Variants in WDR12 observed in about 807,000 individuals in gnomAD.
The protein encoded by WDR12 is WD repeat domain 12, also known as ribosome biogenesis protein WDR12.
Under a neutral mutation model 64.3 loss-of-function variants are expected in WDR12, and 42 were observed. The observed-to-expected ratio is 0.65, with a 90% CI of 0.51 to 0.84. WDR12 has a LOEUF of 0.84. WDR12 is among the 40% of genes least tolerant of loss of function. The probability of loss-of-function intolerance (pLI) is 0.00; values close to 1 mark genes in which losing one functional copy is unlikely to be tolerated. For missense variants in WDR12, 469 were observed against 494.6 expected (o/e 0.95, Z 0.49); for synonymous variants, 158 against 173.3 (o/e 0.91, Z 0.70).
intron 4 of WDR12, among the ~76,000 whole-genome samples, chr2:202,897,906 A>ATATATATATATATAT (rs1201879973): frequency 2.1e-5 from 1 of 47,384 alleles, no homozygotes; most frequent in African/African-American, 6.0e-5. Context: ...AAAAAAAAAA[A>ATATATATATATATAT]AAATATATAT....
chr2:202,892,684 T>C lies in WDR12; in HGVS notation c.674A>G (p.Asp225Gly). Reference protein sequence around the residue: ...IWSTVPTDEEDEMEESTNRPR... With the variant: ...IWSTVPTDEEGEMEESTNRPR... ...TCGATTTGTGGACTCCTCCATTTCATCTTCTTCATCTGTAGGGACTGTGTC... is the reference window on the plus strand; with the variant it reads ...TCGATTTGTGGACTCCTCCATTTCACCTTCTTCATCTGTAGGGACTGTGTC... Residue 225 changes from aspartate to glycine, a missense_variant, in exon 8 of 13, where the codon GAT becomes GGT. Transcript: ENST00000261015. The C allele has an allele frequency of 1.9e-6, 3 of 1,612,880 alleles. No individual in the cohort carries two copies. The highest frequency in any genetic ancestry group is 1.7e-6 in the Non-Finnish European group (2 of 1,179,130).
At chr2:202,883,812 T>C in intron 10 of WDR12, 71 bp from the exon 11 acceptor site, 1 of 1,413,194 alleles carries the variant, frequency 7.1e-7, no homozygotes, top group South Asian at 1.3e-5. Flanking sequence ...CCAAAAAATA[T>C]TTGTAGAAAT....
At chr2:202,900,930 A>G (rs1423662883) in intron 3 of WDR12, 95 bp downstream of exon 3, 4 of 959,928 alleles carry the variant, frequency 4.2e-6, no homozygotes, top group Non-Finnish European at 6.2e-6. Context: ...AATCTTTGCT[A>G]CTAAAGATAG....
chr2:202,903,503 G>GGAAGGAAC (rs59190268), intron 2 of WDR12, among the ~76,000 whole-genome samples: 2 of 116,052 alleles, frequency 1.7e-5, no homozygotes, highest in African/African-American at 6.0e-5. Flanking sequence ...AAGGAAGGAA[G>GGAAGGAAC]TGAGGGAGGG....
chr2:202,903,488 GAAGGAAGGAAGGAAGT>G (rs1443519811), intron 2 of WDR12, among the ~76,000 whole-genome samples: 25 of 96,672 alleles, frequency 2.6e-4, no homozygotes, highest in Admixed American at 1.0e-3. Context: ...AGGAAGGAAG[GAAGGAAGGAAGGAAGT>G]GAGGGAGGGA....
intron 2 of WDR12, among the ~76,000 whole-genome samples, chr2:202,903,871 C>T (rs1222612334): frequency 6.6e-6 from 1 of 152,056 alleles, no homozygotes; most frequent in African/African-American, 2.4e-5. Context: ...GGTGCAGTGG[C>T]TCATGCCTGT....
chr2:202,887,757 G>A (rs998873925), intron 8 of WDR12, among the ~76,000 whole-genome samples: 3 of 151,006 alleles, frequency 2.0e-5, no homozygotes, highest in African/African-American at 7.3e-5. Flanking sequence ...GCGCGGTGGC[G>A]GGCGCCTGTA....
intron 8 of WDR12, among the ~76,000 whole-genome samples, chr2:202,889,690 G>A (rs1213853495): frequency 6.6e-6 from 1 of 151,816 alleles, no homozygotes; most frequent in Non-Finnish European, 1.5e-5. Context: ...CGAGGTGGGA[G>A]GACTGCTTGA....
chr2:202,888,423 C>T (rs750809653), intron 8 of WDR12, among the ~76,000 whole-genome samples: 2 of 151,998 alleles, frequency 1.3e-5, no homozygotes, highest in African/African-American at 2.4e-5. Flanking sequence ...AGTTATACAC[C>T]AAAAAGTGAA....
rs185951065 is a variant in WDR12 at position 202,903,361 on chromosome 2, T to C, written c.137-2242A>G. 5.0e-3 allele frequency among the ~76,000 whole-genome samples: 758 copies of C among 151,702 alleles called. 7 individuals are homozygous for C. The highest frequency in any genetic ancestry group is 0.017 in the African/African-American group (720 of 41,470). On this transcript the variant is annotated intron_variant, in intron 2 of 12. Coordinates refer to ENST00000261015, the MANE Select transcript of WDR12 (RefSeq NM_018256.4). ...TGGGGAAAAAACTGAAAGCCTTTCC[T>C]CTAACATCTGGAACATGATAAGGAT...
intron 3 of WDR12, 112 bp from the exon 4 acceptor site, chr2:202,899,749 C>G: frequency 1.1e-6 from 1 of 886,894 alleles, no homozygotes; most frequent in East Asian, 2.7e-5. Flanking sequence ...TATTAGTCCC[C>G]TTTATAACTC....
At chr2:202,905,392 C>T (rs2105912027) in intron 2 of WDR12, among the ~76,000 whole-genome samples, 1 of 152,378 alleles carries the variant, frequency 6.6e-6, no homozygotes. Context: ...ATCCACCCAC[C>T]TTGGCCTCCC....
intron 10 of WDR12, 80 bp from the exon 11 acceptor site, chr2:202,883,821 A>AAT: frequency 9.5e-7 from 1 of 1,050,958 alleles, no homozygotes; most frequent in Non-Finnish European, 1.3e-6. Context: ...ATTTGTAGAA[A>AAT]TTTTTTTTTT....
In WDR12 at chr2:202,875,989, T is replaced by C. The variant is rs1687852125; in HGVS notation, c.*4871A>G. ...TGGACACTGTAAGAAAATAATTTAC[T>C]TCCTCAAATCTGCAAATCATTGGAA... On this transcript the variant is annotated 3_prime_UTR_variant, in exon 13 of 13. Transcript: ENST00000261015. 6.6e-6 allele frequency: 1 copy of C among 152,230 alleles called. No homozygotes were observed. The highest frequency in any genetic ancestry group is 1.5e-5 in the Non-Finnish European group (1 of 68,052). The allele number at this position is 152,230 out of a possible 1,614,324, so 9.4% of individuals were successfully genotyped here. A position where few individuals can be genotyped will look rare whatever the true frequency, so the allele number is the denominator to read the frequency against.
At chr2:202,905,498 A>G (rs529197537) in intron 2 of WDR12, among the ~76,000 whole-genome samples, 2 of 152,338 alleles carry the variant, frequency 1.3e-5, no homozygotes, top group African/African-American at 4.8e-5. Context: ...GGATATGGAG[A>G]AAAGGGACCC....
intron 8 of WDR12, among the ~76,000 whole-genome samples, chr2:202,886,371 T>C (rs553386099): frequency 7.2e-5 from 11 of 152,068 alleles, no homozygotes; most frequent in African/African-American, 1.4e-4. Context: ...CATGGGAGGA[T>C]TGCTTGAACC....
rs765770687 is a variant in WDR12 at position 202,897,422 on chromosome 2, GA to G, written c.339-8del. The G allele has an allele frequency of 8.6e-5, 127 of 1,470,654 alleles. No homozygotes were observed. The highest frequency in any genetic ancestry group is 5.4e-4 in the Middle Eastern group (3 of 5,574). 91.1% of individuals were successfully genotyped at this position (1,470,654 alleles called of 1,614,324 possible). A position where few individuals can be genotyped will look rare whatever the true frequency, so the allele number is the denominator to read the frequency against. On this transcript the variant is annotated splice_polypyrimidine_tract_variant and splice_region_variant and intron_variant, in intron 4 of 12. Transcript: ENST00000261015. ...ATAAGAACCAGTCAAGATCCTATGA[GA>G]AAAAAAAATCTTATGAAACACAAAA...
At chr2:202,882,886 C>T in intron 11 of WDR12, 103 bp from the exon 12 acceptor site, 1 of 1,093,864 alleles carries the variant, frequency 9.1e-7, no homozygotes, top group Non-Finnish European at 1.3e-6. Flanking sequence ...GGTTTACCAA[C>T]CTTGCCCCAA....
chr2:202,903,352 A>T (rs1305039846), intron 2 of WDR12, among the ~76,000 whole-genome samples: 2 of 152,168 alleles, frequency 1.3e-5, no homozygotes, highest in African/African-American at 4.8e-5. Flanking sequence ...AAAAACTGAA[A>T]GCCTTTCCTC....
Sources: gnomAD v4.1 joint callset for allele counts (sites outside exome capture counted in the v4.1 genomes callset) on GRCh38, gnomAD v4.1.1 for gene constraint, MANE v1.5 for transcripts, NCBI Gene and HGNC (gene_info 2026-07-23, HGNC 2026-07-21) for gene names.